The following HSD17B13 variants were observed in gnomAD, a reference collection of about 807,000 sequenced individuals.
HSD17B13 encodes hydroxysteroid 17-beta dehydrogenase 13.
HSD17B13 carries 26 observed loss-of-function variants against 31.1 expected under a neutral mutation model. The ratio of observed to expected loss-of-function variants is 0.84; its 90% confidence interval spans 0.61 to 1.16. HSD17B13 has a LOEUF of 1.16. HSD17B13 is among the 50% of genes most tolerant of loss of function. The probability of loss-of-function intolerance (pLI) is 0.00; values close to 1 mark genes in which losing one functional copy is unlikely to be tolerated. For synonymous variants in HSD17B13, 141 were observed against 133.7 expected (o/e 1.05, Z -0.38); for missense variants, 374 against 366.5 (o/e 1.02, Z -0.17).
intron 6 of HSD17B13, among the ~76,000 whole-genome samples, chr4:87,309,738 T>A (rs1421974030): frequency 6.6e-6 from 1 of 152,172 alleles, no homozygotes; most frequent in African/African-American, 2.4e-5. Flanking sequence ...AGACAGTAGA[T>A]TTGGTAGAGA....
At chr4:87,310,384 T>C (rs1413084828) in intron 5 of HSD17B13, 25 bp from the exon 6 acceptor site, 2 of 1,363,574 alleles carry the variant, frequency 1.5e-6, no homozygotes, top group Admixed American at 6.0e-5. Context: ...AGGAAAATAT[T>C]ATTTTTATTT....
chr4:87,309,485 A>G (rs1378470785), intron 6 of HSD17B13, among the ~76,000 whole-genome samples: 2 of 151,964 alleles, frequency 1.3e-5, no homozygotes. Context: ...ACAAAATACA[A>G]TTTAAAGATT....
chr4:87,314,636 C>CTT (rs1178049667), intron 4 of HSD17B13, among the ~76,000 whole-genome samples: 1 of 140,334 alleles, frequency 7.1e-6, no homozygotes, highest in Admixed American at 6.9e-5. Flanking sequence ...CTCTCTCTCT[C>CTT]TCTCTCACAC....
rs1734666790 is a variant in HSD17B13, at chr4:87,317,123, G to A, written c.419C>T (p.Thr140Ile). Residue 140 changes from threonine to isoleucine, a missense_variant, in exon 3 of 7, where the codon ACA becomes ATA. Thr to Ile is a moderately conservative substitution (Grantham distance 89). Transcript: ENST00000328546. The stretch of plus-strand genomic sequence containing the variant: ...ATGTCCTAGGATGTTGACCTCAAAT[G>A]TCTTGGTAATCTCTTCATCCTTGGT... ...LSTKDEEITKTFEVNILGHFW... is the reference protein window; with the variant it reads ...LSTKDEEITKIFEVNILGHFW... 1.2e-6 allele frequency: 2 copies of A among 1,614,058 alleles called. No homozygotes were observed. The highest frequency in any genetic ancestry group is 1.1e-5 in the South Asian group (1 of 91,076).
intron 5 of HSD17B13, among the ~76,000 whole-genome samples, chr4:87,311,336 A>G (rs1734526213): frequency 6.6e-6 from 1 of 152,162 alleles, no homozygotes; most frequent in South Asian, 2.1e-4. Context: ...CTTTCCTAAT[A>G]AACTTGCTTT....
intron 1 of HSD17B13, among the ~76,000 whole-genome samples, chr4:87,318,962 C>G (rs1233332914): frequency 2.0e-5 from 3 of 151,822 alleles, no homozygotes; most frequent in African/African-American, 4.8e-5. Flanking sequence ...GGGTGGATCA[C>G]TTGAGGTCAG....
chr4:87,319,923 T>C (rs1734743328), intron 1 of HSD17B13, among the ~76,000 whole-genome samples: 1 of 152,258 alleles, frequency 6.6e-6, no homozygotes, highest in Non-Finnish European at 1.5e-5. Flanking sequence ...GTGACTTTTA[T>C]AGAAAATATT....
intron 5 of HSD17B13, among the ~76,000 whole-genome samples, chr4:87,312,518 C>CTTTTTT (rs747820120): frequency 5.6e-5 from 4 of 71,632 alleles, no homozygotes; most frequent in Non-Finnish European, 7.2e-5. Flanking sequence ...ACCTTTAATT[C>CTTTTTT]TTTTTTTTTT....
chr4:87,318,368 G>A lies in HSD17B13; in HGVS notation c.279C>T (p.Asp93=). The change falls in exon 2 of 7, where the codon GAC becomes GAT. Residue 93 remains aspartate, a synonymous_variant. Coordinates refer to ENST00000328546, the MANE Select transcript of HSD17B13 (RefSeq NM_178135.5). The part of the protein sequence containing the change: ...LGVTAHAYVV[D]CSNREEIYRS... ...GATAGATCTCTTCTCTGTTGCTGCA[G>A]TCTACCACATACGCATGCGCAGTGA... The A allele has an allele frequency of 6.2e-7, 1 of 1,614,082 alleles. No homozygotes were observed. Among genetic ancestry groups the A allele is most frequent in the East Asian group, 2.2e-5 (1 of 44,890 alleles).
chr4:87,309,156 G>A (rs1233896793), intron 6 of HSD17B13, among the ~76,000 whole-genome samples: 2 of 152,040 alleles, frequency 1.3e-5, no homozygotes, highest in African/African-American at 2.4e-5. Flanking sequence ...GCTGAGGCAG[G>A]TGGATCACAT....
At chr4:87,318,462 G>C (rs903867235) in intron 1 of HSD17B13, 26 bp from the exon 2 acceptor site, 1 of 1,588,024 alleles carries the variant, frequency 6.3e-7, no homozygotes, top group Non-Finnish European at 8.6e-7. Context: ...AACAAATTCC[G>C]AAAAAAGTGG....
At chr4:87,312,077 C>G (rs1468073899) in intron 5 of HSD17B13, among the ~76,000 whole-genome samples, 1 of 152,110 alleles carries the variant, frequency 6.6e-6, no homozygotes, top group East Asian at 1.9e-4. Flanking sequence ...GTTCCATTAT[C>G]CTTACTCCCC....
intron 5 of HSD17B13, among the ~76,000 whole-genome samples, chr4:87,312,642 G>A (rs1688683419): frequency 6.9e-6 from 1 of 144,026 alleles, no homozygotes; most frequent in African/African-American, 2.6e-5. Context: ...CCATTCTCCT[G>A]CCTCAGCCTC....
rs893354684 is a variant in HSD17B13, at chr4:87,308,485, TAAAAAAAAAAAAAAAAAAAAAAAAAAAAA to T, written c.812+1729_812+1757del. Reference sequence around the variant, plus strand: ...TAACAGGGTGAAACCCCGTCTCTACTAAAAAAAAAAAAAAAAAAAAAAAAAAAAAAAAAAAAAAAAAAAAAATAAGCTGG... The same window carrying T: ...TAACAGGGTGAAACCCCGTCTCTACTAAAAAAAAAAAAAAAAATAAGCTGG... On this transcript the variant is annotated intron_variant, in intron 6 of 6. Coordinates refer to ENST00000328546, the MANE Select transcript of HSD17B13 (RefSeq NM_178135.5). Among the ~76,000 whole-genome samples the T allele has an allele frequency of 1.2e-4, 4 of 33,196 alleles. 1 individual carries two copies. Among genetic ancestry groups the T allele is most frequent in the Admixed American group, 1.4e-3 (2 of 1,440 alleles). The allele number at this position is 33,196 out of a possible 152,430, so 21.8% of individuals were successfully genotyped here.
At chr4:87,307,985 G>A (rs1464232148) in intron 6 of HSD17B13, among the ~76,000 whole-genome samples, 1 of 152,138 alleles carries the variant, frequency 6.6e-6, no homozygotes, top group Non-Finnish European at 1.5e-5. Flanking sequence ...AAAGGCCCAA[G>A]GCTTATGAAG....
intron 5 of HSD17B13, among the ~76,000 whole-genome samples, chr4:87,313,175 T>C (rs1041015236): frequency 2.0e-5 from 3 of 152,030 alleles, no homozygotes; most frequent in African/African-American, 7.2e-5. Context: ...AGAGACCACA[T>C]AGCTAACTCA....
At chr4:87,319,710 C>T (rs1436039895) in intron 1 of HSD17B13, among the ~76,000 whole-genome samples, 2 of 152,296 alleles carry the variant, frequency 1.3e-5, no homozygotes, top group East Asian at 3.9e-4. Context: ...TTACATTCTT[C>T]AGGTGTTTGG....
chr4:87,309,585 C>A (rs6531972), intron 6 of HSD17B13, among the ~76,000 whole-genome samples: 104,786 of 151,894 alleles, frequency 0.69, 37,221 homozygotes, highest in African/African-American at 0.86. Flanking sequence ...TCCCCAATTG[C>A]TCTATAGATT....
rs1302725682 is a variant in HSD17B13 at position 87,310,321 on chromosome 4, CT to C, written c.733del (p.Ser245ValfsTer2). ...PVLETDEVVR[S>X]LIDGILTNKK... ...ATTGGTAAGTATTCCATCTATCAGA[CT>C]TCTTACGACTTCATCTGTCTCCAAT... On this transcript the variant is annotated frameshift_variant, in exon 6 of 7. Transcript: ENST00000328546. LOFTEE classifies it high-confidence loss of function. The C allele has an allele frequency of 6.4e-7, 1 of 1,571,502 alleles. No homozygotes were observed. The highest frequency in any genetic ancestry group is 8.6e-7 in the Non-Finnish European group (1 of 1,164,258).
Sources: gnomAD v4.1 joint callset for allele counts (sites outside exome capture counted in the v4.1 genomes callset) on GRCh38, gnomAD v4.1.1 for gene constraint, MANE v1.5 for transcripts, NCBI Gene and HGNC (gene_info 2026-07-23, HGNC 2026-07-21) for gene names.